The following FBXO4 variants were observed in gnomAD, a reference collection of about 807,000 sequenced individuals.
FBXO4 encodes F-box protein 4, also known as F-box only protein 4.
In FBXO4, 36 loss-of-function variants were observed where a neutral mutation model predicts 43.7. That is an observed-to-expected ratio of 0.82 (90% CI 0.63 to 1.09). The LOEUF (loss-of-function observed/expected upper bound fraction) is 1.09. Among genes scored for constraint, FBXO4 ranks in the 50% least tolerant of loss-of-function variants. The pLI, the probability that FBXO4 is intolerant of heterozygous loss-of-function variation, is 0.00. For synonymous variants in FBXO4, 180 were observed against 165.6 expected (o/e 1.09, Z -0.67); for missense variants, 435 against 474.1 (o/e 0.92, Z 0.77).
At chr5:41,994,681 C>A in the FBXO4 span, among the ~76,000 whole-genome samples, 1 of 152,148 alleles carries the variant, frequency 6.6e-6, no homozygotes, top group Non-Finnish European at 1.5e-5. Flanking sequence ...ATCACCCCAG[C>A]CAACACTGTA....
downstream of FBXO4, among the ~76,000 whole-genome samples, chr5:41,943,087 T>C (rs1459991792): frequency 6.6e-6 from 1 of 152,074 alleles, no homozygotes; most frequent in Non-Finnish European, 1.5e-5. Context: ...GTAAAGAAAT[T>C]GAGACCCAGA....
chr5:41,968,563 T>G, the FBXO4 span, among the ~76,000 whole-genome samples: 1 of 152,204 alleles, frequency 6.6e-6, no homozygotes, highest in African/African-American at 2.4e-5. Context: ...CAGAAGTAGC[T>G]GGGCAAATGC....
At chr5:42,000,525 T>C in the FBXO4 span, among the ~76,000 whole-genome samples, 3 of 152,342 alleles carry the variant, frequency 2.0e-5, no homozygotes, top group African/African-American at 7.2e-5. Flanking sequence ...TTTTCTCTCA[T>C]TCCATAGGTT....
chr5:42,016,978 G>A, the FBXO4 span, among the ~76,000 whole-genome samples: 2 of 151,954 alleles, frequency 1.3e-5, no homozygotes, highest in South Asian at 4.1e-4. Context: ...GCAGGATATC[G>A]ATTAATTAGC....
chr5:41,946,268 C>T (rs936129892), downstream of FBXO4, among the ~76,000 whole-genome samples: 3 of 152,036 alleles, frequency 2.0e-5, no homozygotes, highest in African/African-American at 7.2e-5. Flanking sequence ...GGCCAGATCC[C>T]GCAATATATT....
chr5:42,028,008 T>G, the FBXO4 span, among the ~76,000 whole-genome samples: 4 of 151,878 alleles, frequency 2.6e-5, no homozygotes, highest in Non-Finnish European at 5.9e-5. Flanking sequence ...TATTCTATAG[T>G]CACTGGGTGA....
the FBXO4 span, among the ~76,000 whole-genome samples, chr5:42,006,002 C>T: frequency 1.3e-5 from 2 of 152,058 alleles, no homozygotes; most frequent in Admixed American, 6.6e-5. Flanking sequence ...ATATTGAGTG[C>T]TATCATGTAA....
chr5:41,942,415 TCAGC>T (rs1348172905), downstream of FBXO4, among the ~76,000 whole-genome samples: 778 of 152,134 alleles, frequency 5.1e-3, 7 homozygotes, highest in African/African-American at 0.018. Context: ...TGCTTTTATA[TCAGC>T]TATCTTTTTT....
chr5:41,994,505 A>G, the FBXO4 span, among the ~76,000 whole-genome samples: 1 of 152,072 alleles, frequency 6.6e-6, no homozygotes, highest in Admixed American at 6.5e-5. Flanking sequence ...GAGTGACCCC[A>G]ACCTTCATTC....
the FBXO4 span, among the ~76,000 whole-genome samples, chr5:41,976,924 C>G: frequency 6.6e-6 from 1 of 152,218 alleles, no homozygotes; most frequent in Non-Finnish European, 1.5e-5. Flanking sequence ...AGAAAGCTGT[C>G]AAGCCTCCTT....
the FBXO4 span, among the ~76,000 whole-genome samples, chr5:41,959,194 T>A: frequency 6.6e-6 from 1 of 152,186 alleles, no homozygotes; most frequent in Admixed American, 6.5e-5. Flanking sequence ...TATCTTCTTT[T>A]GAGAAATGTC....
chr5:41,933,521 C>T (rs1437839682), intron 3 of FBXO4, among the ~76,000 whole-genome samples: 2 of 152,086 alleles, frequency 1.3e-5, no homozygotes, highest in African/African-American at 2.4e-5. Context: ...CCTGCCCCCC[C>T]CATCAATTTA....
the FBXO4 span, among the ~76,000 whole-genome samples, chr5:41,947,327 A>C: frequency 1.1e-4 from 17 of 152,352 alleles, no homozygotes; most frequent in East Asian, 2.1e-3. Flanking sequence ...CTGACAGAGG[A>C]AGGATTAAAA....
At chr5:41,994,374 T>A in the FBXO4 span, among the ~76,000 whole-genome samples, 1 of 152,220 alleles carries the variant, frequency 6.6e-6, no homozygotes, top group Non-Finnish European at 1.5e-5. Flanking sequence ...TTACAGTCCT[T>A]GTGTTCTGCA....
At chr5:41,933,858 C>A in intron 3 of FBXO4, 88 bp from the exon 4 acceptor site, 1 of 1,055,432 alleles carries the variant, frequency 9.5e-7, no homozygotes, top group African/African-American at 1.6e-5. Context: ...TTTCTTTACT[C>A]TTTTTGCTTT....
At chr5:41,979,744 C>G in the FBXO4 span, among the ~76,000 whole-genome samples, 1 of 152,196 alleles carries the variant, frequency 6.6e-6, no homozygotes, top group Non-Finnish European at 1.5e-5. Flanking sequence ...TTTCTAGAAA[C>G]TACAACCTTA....
the FBXO4 span, among the ~76,000 whole-genome samples, chr5:42,021,888 GC>G: frequency 6.6e-6 from 1 of 152,044 alleles, no homozygotes; most frequent in Non-Finnish European, 1.5e-5. Flanking sequence ...AAAAATATAT[GC>G]TTTAGTATAT....
chr5:42,015,447 G>T, the FBXO4 span, among the ~76,000 whole-genome samples: 1 of 152,148 alleles, frequency 6.6e-6, no homozygotes, highest in South Asian at 2.1e-4. Flanking sequence ...TGTAATAGAG[G>T]GGACTTTGTC....
In FBXO4 at chr5:41,941,449, A is replaced by C. The variant is rs1047961892; in HGVS notation, c.*168A>C. ...TATATTATTTTTACTCTTTACCATAAATCAATTACAAGAAAAGAGTTTCAG... is the reference window on the plus strand; with the variant it reads ...TATATTATTTTTACTCTTTACCATACATCAATTACAAGAAAAGAGTTTCAG... On this transcript the variant is annotated 3_prime_UTR_variant, in exon 7 of 7. Transcript: ENST00000281623. 3.6e-5 allele frequency: 15 copies of C among 422,008 alleles called. No homozygotes were observed. The highest frequency in any genetic ancestry group is 2.1e-5 in the Non-Finnish European group (5 of 233,304). The allele number at this position is 422,008 out of a possible 1,614,324, so 26.1% of individuals were successfully genotyped here.
Sources: gnomAD v4.1 joint callset for allele counts (sites outside exome capture counted in the v4.1 genomes callset) on GRCh38, gnomAD v4.1.1 for gene constraint, MANE v1.5 for transcripts, NCBI Gene and HGNC (gene_info 2026-07-23, HGNC 2026-07-21) for gene names.